The following SPATA24 variants were observed in gnomAD, a reference collection of about 807,000 sequenced individuals.
SPATA24 encodes the protein spermatogenesis associated 24, also known as spermatogenesis-associated protein 24.
SPATA24 carries 21 observed loss-of-function variants against 28.9 expected under a neutral mutation model. The ratio of observed to expected loss-of-function variants is 0.73; its 90% CI spans 0.52 to 1.05. SPATA24 has a LOEUF of 1.05. Among genes scored for constraint, SPATA24 ranks in the 50% least tolerant of loss-of-function variants. The probability of loss-of-function intolerance (pLI) is 0.00; values close to 1 mark genes in which losing one functional copy is unlikely to be tolerated. For synonymous variants in SPATA24, 76 were observed against 89.9 expected, an observed-to-expected ratio of 0.85 and a Z score of 0.88; for missense variants, 215 against 242.9, an observed-to-expected ratio of 0.88 and a Z score of 0.76.
At chr5:139,394,706 C>T (rs776292607), downstream of SPATA24, 151 of 1,532,594 alleles carry the variant, frequency 9.9e-5, 1 homozygote, top group Non-Finnish European at 1.3e-4. Context: ...CGATCGTCTG[C>T]GCCGGAGCAG....
chr5:139,396,357 C>G, downstream of SPATA24: 4 of 985,478 alleles, frequency 4.1e-6, no homozygotes, highest in Non-Finnish European at 4.8e-6. Context: ...CTCTTCCTCC[C>G]ATTGTGAAGC....
chr5:139,394,708 C>T (rs1391229964), downstream of SPATA24: 15 of 1,532,720 alleles, frequency 9.8e-6, no homozygotes, highest in South Asian at 1.2e-5. Context: ...ATCGTCTGCG[C>T]CGGAGCAGCC....
At position 139,396,851 on chromosome 5, in the gene SPATA24, T is replaced by C. The variant is rs1384615333; in HGVS notation, c.567A>G (p.Lys189=). 2 of 1,551,736 alleles carry C rather than the reference T, an allele frequency of 1.3e-6. No homozygotes were observed. Among genetic ancestry groups the C allele is most frequent in the East Asian group, 2.4e-5 (1 of 40,924 alleles). ...MAQVLDQKHK[K]ASGTRQARSH... ...TGCGGGCCTGACGTGTCCCTGAGGC[T>C]TTCTTATGCTTCTGGTCCAGCACCT... is the stretch of plus-strand genomic sequence containing the variant. Residue 189 remains lysine (K), a synonymous_variant, in exon 6 of 6, where the codon AAA becomes AAG. Transcript: ENST00000450845.
chr5:139,394,647 C>G, downstream of SPATA24: 1 of 1,534,650 alleles, frequency 6.5e-7, no homozygotes, highest in Non-Finnish European at 8.7e-7. Context: ...CTGGCCCCGG[C>G]GGCAAGGGGC....
At chr5:139,394,701 G>T (rs1422806896), downstream of SPATA24, 1 of 1,533,568 alleles carries the variant, frequency 6.5e-7, no homozygotes, top group African/African-American at 1.4e-5. Context: ...CCTCGCGATC[G>T]TCTGCGCCGG....
At chr5:139,393,506 C>G (rs1419337332), downstream of SPATA24, 2 of 1,551,456 alleles carry the variant, frequency 1.3e-6, no homozygotes, top group Admixed American at 3.9e-5. Context: ...GAGCCCGGCC[C>G]CATGGGATCC....
At chr5:139,395,027 T>C, downstream of SPATA24, 2 of 1,440,872 alleles carry the variant, frequency 1.4e-6, no homozygotes, top group South Asian at 2.9e-5. Flanking sequence ...GCGGGGGCCG[T>C]GGGCAGCTGC....
chr5:139,399,615 CACCCG>C (rs1189739711), intron 4 of SPATA24, among the ~76,000 whole-genome samples: 1 of 152,196 alleles, frequency 6.6e-6, no homozygotes, highest in Non-Finnish European at 1.5e-5. Flanking sequence ...AAGCCTGTGG[CACCCG>C]ATGGTGAGAG....
intron 5 of SPATA24, 24 bp from the exon 6 acceptor site, chr5:139,396,953 G>A (rs1758722934): frequency 1.3e-6 from 2 of 1,551,476 alleles, no homozygotes; most frequent in African/African-American, 2.7e-5. Context: ...GGCTGGTGGT[G>A]GGCTGTGGAC....
chr5:139,394,916 A>T, downstream of SPATA24: 1 of 1,518,764 alleles, frequency 6.6e-7, no homozygotes, highest in Non-Finnish European at 8.8e-7. Context: ...ACCCAGGGCC[A>T]ATTCGCTGGG....
intron 4 of SPATA24, among the ~76,000 whole-genome samples, chr5:139,398,511 T>G (rs1198524715): frequency 1.3e-5 from 2 of 152,088 alleles, no homozygotes; most frequent in Non-Finnish European, 2.9e-5. Context: ...AGTTGGGGGC[T>G]GCAATGAGCT....
At chr5:139,398,671 C>T (rs1437865917) in intron 4 of SPATA24, among the ~76,000 whole-genome samples, 1 of 152,104 alleles carries the variant, frequency 6.6e-6, no homozygotes, top group African/African-American at 2.4e-5. Context: ...CATAACTGCC[C>T]CACATGGCAC....
downstream of SPATA24, chr5:139,396,083 C>T (rs1386105050): frequency 1.3e-6 from 1 of 743,902 alleles, no homozygotes; most frequent in Non-Finnish European, 1.6e-6. Flanking sequence ...CAGGCCCCAG[C>T]TGGCCCTGGA....
downstream of SPATA24, chr5:139,392,553 C>T (rs997159033): frequency 1.4e-5 from 19 of 1,347,154 alleles, no homozygotes; most frequent in Middle Eastern, 2.3e-4. This position sits in a 1 kb window ranked among gnomAD's most constrained non-coding sequence, Gnocchi z 5.8. Flanking sequence ...CCGTCCTGCC[C>T]GCCAACGCCA....
downstream of SPATA24, chr5:139,393,522 C>T (rs1229669639): frequency 1.3e-6 from 2 of 1,551,340 alleles, no homozygotes; most frequent in Non-Finnish European, 8.7e-7. Context: ...GATCCCATGT[C>T]TCTTGGGGAG....
intron 4 of SPATA24, among the ~76,000 whole-genome samples, chr5:139,399,667 G>A (rs937373942): frequency 6.6e-6 from 1 of 152,252 alleles, no homozygotes; most frequent in Non-Finnish European, 1.5e-5. Context: ...AAAGAACTAT[G>A]TAAGTGTAAA....
downstream of SPATA24, chr5:139,393,485 A>G (rs574701701): frequency 1.9e-6 from 3 of 1,551,544 alleles, no homozygotes; most frequent in Admixed American, 3.9e-5. Context: ...TCCTGAGTAA[A>G]TGCTATCGAT....
intron 2 of SPATA24, 102 bp downstream of exon 2, chr5:139,402,526 A>G: frequency 9.3e-7 from 1 of 1,073,890 alleles, no homozygotes; most frequent in Non-Finnish European, 1.4e-6. Context: ...TACAGTTGTG[A>G]GCCACTGCAC....
intron 4 of SPATA24, 82 bp from the exon 5 acceptor site, chr5:139,397,225 T>C (rs1297511584): frequency 9.3e-7 from 1 of 1,078,922 alleles, no homozygotes; most frequent in Non-Finnish European, 1.4e-6. Flanking sequence ...TCACGGGGCT[T>C]TTCAGAGCTT....
Sources: gnomAD v4.1 joint callset for allele counts (sites outside exome capture counted in the v4.1 genomes callset) on GRCh38, gnomAD v4.1.1 for gene constraint, Gnocchi (gnomAD v3.1) non-coding constraint, MANE v1.5 for transcripts, NCBI Gene and HGNC (gene_info 2026-07-23, HGNC 2026-07-21) for gene names.